ADAM23: variants seen among roughly 807,000 people sequenced by gnomAD.
ADAM23 encodes the protein disintegrin and metalloproteinase domain-containing protein 23.
A neutral mutation model predicts 120.1 loss-of-function variants in ADAM23; 33 were observed. The ratio of observed to expected loss-of-function variants is 0.27; its 90% confidence interval spans 0.21 to 0.37. The LOEUF (loss-of-function observed/expected upper bound fraction) is 0.37, where lower values mean the gene tolerates loss of function less well. Ranked by LOEUF, ADAM23 falls within the 10% of genes least tolerant of loss-of-function variation. The pLI, the probability that ADAM23 is intolerant of heterozygous loss-of-function variation, is 1.00. For synonymous variants in ADAM23, 367 were observed against 375.2 expected (o/e 0.98, Z 0.25); for missense variants, 862 against 1,058.2 (o/e 0.81, Z 2.57).
At chr2:206,591,436 A>G (rs1698424057) in intron 21 of ADAM23, among the ~76,000 whole-genome samples, 1 of 152,166 alleles carries the variant, frequency 6.6e-6, no homozygotes, top group African/African-American at 2.4e-5. Context: ...CCAGCATTTT[A>G]AGAGTTTTCT....
intron 12 of ADAM23, among the ~76,000 whole-genome samples, chr2:206,561,964 T>A (rs1697776938): frequency 1.3e-5 from 2 of 152,186 alleles, no homozygotes; most frequent in African/African-American, 4.8e-5. Context: ...TTTTGTGACT[T>A]GTATTTTATG....
intron 2 of ADAM23, among the ~76,000 whole-genome samples, chr2:206,461,773 C>T (rs1387625542): frequency 6.6e-6 from 1 of 151,938 alleles, no homozygotes; most frequent in Non-Finnish European, 1.5e-5. Context: ...GGGTATGGGC[C>T]ATTGAATTAG....
chr2:206,592,405 A>G (rs1698441635), intron 21 of ADAM23, among the ~76,000 whole-genome samples: 1 of 152,166 alleles, frequency 6.6e-6, no homozygotes, highest in Non-Finnish European at 1.5e-5. Flanking sequence ...TCCACCTTTC[A>G]GGGCTGGGCA....
At chr2:206,503,981 G>A (rs1696442358) in intron 3 of ADAM23, among the ~76,000 whole-genome samples, 1 of 152,080 alleles carries the variant, frequency 6.6e-6, no homozygotes, top group Non-Finnish European at 1.5e-5. Context: ...ATATTGTAAA[G>A]CCTCATTTAT....
intron 2 of ADAM23, among the ~76,000 whole-genome samples, chr2:206,455,882 T>G (rs908857847): frequency 1.3e-5 from 2 of 152,210 alleles, no homozygotes; most frequent in Non-Finnish European, 2.9e-5. Flanking sequence ...ACTATCAGCA[T>G]TTTGGTTAAA....
At chr2:206,562,423 A>G in intron 13 of ADAM23, 130 bp downstream of exon 13, 2 of 647,382 alleles carry the variant, frequency 3.1e-6, no homozygotes, top group Non-Finnish European at 5.0e-6. Flanking sequence ...TTCCTCTAAA[A>G]TATTTAGAAA....
chr2:206,583,799 T>G (rs1304717181), intron 18 of ADAM23, among the ~76,000 whole-genome samples: 1 of 152,196 alleles, frequency 6.6e-6, no homozygotes, highest in African/African-American at 2.4e-5. Context: ...TGGCTTTGCC[T>G]TTCTCTGGTC....
intron 3 of ADAM23, among the ~76,000 whole-genome samples, chr2:206,503,144 A>G (rs538924463): frequency 6.6e-6 from 1 of 152,238 alleles, no homozygotes; most frequent in East Asian, 1.9e-4. Flanking sequence ...ACTTAATTTG[A>G]TGAAGTACTT....
intron 2 of ADAM23, among the ~76,000 whole-genome samples, chr2:206,472,636 T>C (rs980287066): frequency 2.7e-5 from 4 of 149,908 alleles, no homozygotes; most frequent in Non-Finnish European, 4.4e-5. Context: ...AAAGAGTACC[T>C]CAAACTGAGG....
intron 1 of ADAM23, 84 bp from the exon 2 acceptor site, chr2:206,445,223 A>T: frequency 1.0e-6 from 1 of 959,846 alleles, no homozygotes; most frequent in Non-Finnish European, 1.6e-6. Context: ...AATGCATTTT[A>T]GTGCTTATGT....
chr2:206,608,869 A>C (rs1698777766), intron 24 of ADAM23, among the ~76,000 whole-genome samples: 1 of 152,182 alleles, frequency 6.6e-6, no homozygotes, highest in African/African-American at 2.4e-5. Flanking sequence ...CACAAAACTC[A>C]AGGATTTTCG....
chr2:206,450,214 T>A (rs888424716), intron 2 of ADAM23, among the ~76,000 whole-genome samples: 2 of 152,196 alleles, frequency 1.3e-5, no homozygotes, highest in South Asian at 2.1e-4. Context: ...GAATTAATTT[T>A]AAAAATCAAT....
chr2:206,537,372 A>G (rs1697198552), intron 4 of ADAM23, among the ~76,000 whole-genome samples: 1 of 152,024 alleles, frequency 6.6e-6, no homozygotes. Flanking sequence ...GTTGATGCAG[A>G]GTGGAAGAGA....
intron 3 of ADAM23, among the ~76,000 whole-genome samples, chr2:206,518,192 A>G (rs1448826139): frequency 6.6e-6 from 1 of 152,200 alleles, no homozygotes; most frequent in East Asian, 1.9e-4. Context: ...CTGGCACATT[A>G]TATTTAATTA....
chr2:206,554,225 G>A (rs1053104872), intron 9 of ADAM23, among the ~76,000 whole-genome samples: 1 of 152,020 alleles, frequency 6.6e-6, no homozygotes, highest in African/African-American at 2.4e-5. Context: ...ATTATCAGTG[G>A]CTTTCCATTA....
chr2:206,460,474 T>C lies in ADAM23; in HGVS notation c.432+14950T>C, dbSNP rs1695393690. ...TTGTGGTTTGGTTGCATTTCCCTAA[T>C]GATTAGTGATGTTGAACATCTTTTC... On this transcript the variant is annotated intron_variant, in intron 2 of 25. Coordinates refer to ENST00000264377, the MANE Select transcript of ADAM23 (RefSeq NM_003812.4). Among the ~76,000 whole-genome samples the C allele has an allele frequency of 3.9e-5, 6 of 152,238 alleles. No homozygotes were observed. The South Asian group carries it at 1.2e-3, about 32-fold the overall frequency.
At chr2:206,450,485 C>T (rs905752559) in intron 2 of ADAM23, among the ~76,000 whole-genome samples, 4 of 152,100 alleles carry the variant, frequency 2.6e-5, no homozygotes, top group Admixed American at 2.6e-4. Flanking sequence ...TAGGGGTTCC[C>T]ATGGAATTCA....
chr2:206,543,183 C>A, intron 5 of ADAM23, 70 bp from the exon 6 acceptor site: 2 of 1,309,894 alleles, frequency 1.5e-6, no homozygotes, highest in Non-Finnish European at 2.2e-6. Flanking sequence ...AATAATGAAG[C>A]TCACTTGCTA....
At chr2:206,524,399 T>C (rs1479897566) in intron 3 of ADAM23, among the ~76,000 whole-genome samples, 1 of 152,220 alleles carries the variant, frequency 6.6e-6, no homozygotes, top group African/African-American at 2.4e-5. Context: ...CTTACACTGC[T>C]GACTCCTCTT....
Sources: gnomAD v4.1 joint callset for allele counts (sites outside exome capture counted in the v4.1 genomes callset) on GRCh38, gnomAD v4.1.1 for gene constraint, MANE v1.5 for transcripts, NCBI Gene and HGNC (gene_info 2026-07-23, HGNC 2026-07-21) for gene names.